OLA1: variants seen among roughly 807,000 people sequenced by gnomAD.
OLA1 encodes obg-like ATPase 1.
In OLA1, 14 loss-of-function variants were observed where a neutral mutation model predicts 48.4. The observed-to-expected ratio is 0.29, with a 90% confidence interval of 0.19 to 0.45. The LOEUF (loss-of-function observed/expected upper bound fraction) is 0.45, where lower values mean the gene tolerates loss of function less well. OLA1 is among the 20% of genes least tolerant of loss of function. The probability of loss-of-function intolerance (pLI) is 1.00; values close to 1 mark genes in which losing one functional copy is unlikely to be tolerated. For synonymous variants in OLA1, 127 were observed against 150.4 expected, an observed-to-expected ratio of 0.84 and a Z score of 1.14; for missense variants, 325 against 467.1, an observed-to-expected ratio of 0.70 and a Z score of 2.80.
intron 7 of OLA1, among the ~76,000 whole-genome samples, chr2:174,100,489 C>T (rs1186512595): frequency 6.6e-6 from 1 of 152,134 alleles, no homozygotes; most frequent in East Asian, 1.9e-4. Context: ...ACTGCAGCCT[C>T]AAATTCCTGG....
chr2:174,246,250 AGAT>A, intron 2 of OLA1, among the ~76,000 whole-genome samples: 1 of 151,980 alleles, frequency 6.6e-6, no homozygotes, highest in Non-Finnish European at 1.5e-5. Context: ...CAGTGAGTCA[AGAT>A]CATGCCACTG....
intron 10 of OLA1, among the ~76,000 whole-genome samples, chr2:174,075,931 G>A (rs1250019237): frequency 6.6e-6 from 1 of 152,170 alleles, no homozygotes; most frequent in African/African-American, 2.4e-5. Flanking sequence ...TGCTTTATTT[G>A]CTTAAAGAAA....
chr2:174,080,416 C>T (rs1415614187), intron 9 of OLA1, among the ~76,000 whole-genome samples: 10 of 152,110 alleles, frequency 6.6e-5, no homozygotes, highest in African/African-American at 2.4e-4. Context: ...TTTAGGATCA[C>T]ATATATTTCA....
intron 4 of OLA1, among the ~76,000 whole-genome samples, chr2:174,183,992 C>A (rs1483644236): frequency 6.6e-6 from 1 of 152,130 alleles, no homozygotes; most frequent in African/African-American, 2.4e-5. Flanking sequence ...TGTTCTCAAC[C>A]AGCAGGCTAT....
intron 2 of OLA1, among the ~76,000 whole-genome samples, chr2:174,241,551 C>T (rs1188075579): frequency 1.3e-5 from 2 of 152,220 alleles, no homozygotes; most frequent in East Asian, 3.8e-4. Context: ...AAGACAATTA[C>T]TCTCCTGGGG....
At chr2:174,080,840 C>T (rs957746902) in intron 9 of OLA1, 1 of 212,708 alleles carries the variant, frequency 4.7e-6, no homozygotes, top group East Asian at 1.3e-4. Flanking sequence ...TGCAGACAAA[C>T]CCAGTCACAC....
At chr2:174,202,220 T>A (rs1442238455) in intron 4 of OLA1, among the ~76,000 whole-genome samples, 6 of 152,202 alleles carry the variant, frequency 3.9e-5, no homozygotes, top group African/African-American at 1.4e-4. Flanking sequence ...GCACTTAGAT[T>A]GTTATATGAC....
At chr2:174,200,474 A>G (rs768895715) in intron 4 of OLA1, among the ~76,000 whole-genome samples, 5 of 152,216 alleles carry the variant, frequency 3.3e-5, no homozygotes, top group Admixed American at 3.3e-4. Flanking sequence ...TGGGGAGGAT[A>G]TAAAAAGATA....
At position 174,141,883 on chromosome 2, in the gene OLA1, A is replaced by G; in HGVS notation, c.491T>C (p.Ile164Thr). 6.2e-7 allele frequency: 1 copy of G among 1,612,356 alleles called. No homozygotes were observed. Among genetic ancestry groups the G allele is most frequent in the East Asian group, 2.2e-5 (1 of 44,774 alleles). Residue 164 changes from isoleucine to threonine, a missense_variant, in exon 5 of 11, where the codon ATA (isoleucine) becomes ACA (threonine). Ile to Thr is a moderately conservative substitution (Grantham distance 89). Transcript: ENST00000284719. Reference protein sequence around the residue: ...LKDEEMIGPIIDKLEKVAVRG... With the variant: ...LKDEEMIGPITDKLEKVAVRG... ...CACAGCCACCTTTTCTAGTTTATCT[A>G]TAATGGGCCCAATCATTTCCTCATC... is the stretch of plus-strand genomic sequence containing the variant.
In OLA1 at chr2:174,073,948, T is replaced by A. The variant is rs1176728046; in HGVS notation, c.*1478A>T. 3 of 152,218 alleles carry A rather than the reference T, an allele frequency of 2.0e-5. No individual in the cohort carries two copies. Among genetic ancestry groups the A allele is most frequent in the Admixed American group, 2.0e-4 (3 of 15,286 alleles). 9.4% of individuals were successfully genotyped at this position (152,218 alleles called of 1,614,324 possible). A position where few individuals can be genotyped will look rare whatever the true frequency, so the allele number is the denominator to read the frequency against. On this transcript the variant is annotated 3_prime_UTR_variant, in exon 11 of 11. Transcript: ENST00000284719. The stretch of plus-strand genomic sequence containing the variant: ...TTCTCTGCTGTAGTTTACTCATTTT[T>A]ATGTTAGCAAAAGAAGATCACTATT...
chr2:174,165,447 CT>C (rs1687140155), intron 4 of OLA1, among the ~76,000 whole-genome samples: 1 of 152,292 alleles, frequency 6.6e-6, no homozygotes, highest in East Asian at 1.9e-4. Context: ...TAACAACAAT[CT>C]TTTTCAAAGG....
intron 4 of OLA1, among the ~76,000 whole-genome samples, chr2:174,189,475 C>A (rs1054784452): frequency 4.6e-5 from 7 of 151,980 alleles, no homozygotes; most frequent in Non-Finnish European, 8.8e-5. Context: ...CAATAAGGGA[C>A]AAGCAACTTG....
chr2:174,219,867 C>G (rs186445038), intron 4 of OLA1, among the ~76,000 whole-genome samples: 11 of 152,278 alleles, frequency 7.2e-5, no homozygotes, highest in Admixed American at 7.2e-4. Context: ...CACAGTGGCT[C>G]ACACCTGTAA....
At chr2:174,098,197 T>G (rs1356285337) in intron 7 of OLA1, among the ~76,000 whole-genome samples, 1 of 152,214 alleles carries the variant, frequency 6.6e-6, no homozygotes, top group Non-Finnish European at 1.5e-5. Flanking sequence ...GGAACCATGT[T>G]AGATGAGAAA....
rs549648029 is a variant in OLA1, at chr2:174,088,048, T to C, written c.729-5984A>G. Among the ~76,000 whole-genome samples, 10 of 152,346 alleles carry C rather than the reference T, an allele frequency of 6.6e-5. No individual in the cohort carries two copies. In the South Asian group the frequency reaches 2.1e-3, roughly 32 times the overall value. ...CTTTAAAAATAAATCAACAGTGATA[T>C]CTTGCTTCTCTAATTGTATATAACT... On this transcript the variant is annotated intron_variant, in intron 7 of 10. Transcript: ENST00000284719.
At chr2:174,174,729 A>G (rs1439631590) in intron 4 of OLA1, among the ~76,000 whole-genome samples, 1 of 152,052 alleles carries the variant, frequency 6.6e-6, no homozygotes, top group African/African-American at 2.4e-5. Flanking sequence ...TTCAATACAA[A>G]GTCAAAAATC....
At chr2:174,219,138 T>C (rs1466441988) in intron 4 of OLA1, among the ~76,000 whole-genome samples, 1 of 151,924 alleles carries the variant, frequency 6.6e-6, no homozygotes, top group Non-Finnish European at 1.5e-5. Context: ...ATGTTGTGTG[T>C]GAAAGAAGCT....
intron 2 of OLA1, among the ~76,000 whole-genome samples, chr2:174,237,247 T>G (rs1431210746): frequency 1.3e-5 from 2 of 151,812 alleles, no homozygotes; most frequent in African/African-American, 4.8e-5. Context: ...CAGGCCTACA[T>G]GGAGTCTGAT....
At chr2:174,090,406 T>TG (rs1320784834) in intron 7 of OLA1, among the ~76,000 whole-genome samples, 1 of 151,924 alleles carries the variant, frequency 6.6e-6, no homozygotes, top group Non-Finnish European at 1.5e-5. Context: ...AATAAACAGG[T>TG]GGAAAGAAAA....
Sources: allele counts gnomAD v4.1 joint callset (sites outside exome capture counted in the v4.1 genomes callset), GRCh38; gene constraint gnomAD v4.1.1; transcripts MANE v1.5; gene names NCBI Gene and HGNC (gene_info 2026-07-23, HGNC 2026-07-21).